The following ZBTB38 variants were observed in gnomAD, a reference collection of about 807,000 sequenced individuals.
ZBTB38 encodes the protein zinc finger and BTB domain containing 38.
A neutral mutation model predicts 76.8 loss-of-function variants in ZBTB38; 20 were observed. That is an observed-to-expected ratio of 0.26 (90% CI 0.18 to 0.38). The LOEUF (loss-of-function observed/expected upper bound fraction) is 0.38. ZBTB38 is among the 10% of genes least tolerant of loss of function. ZBTB38 has a pLI of 1.00. For missense variants in ZBTB38, 1,082 were observed against 1,482.3 expected (o/e 0.73, Z 4.43); for synonymous variants, 504 against 544.2 (o/e 0.93, Z 1.03).
In ZBTB38 at chr3:141,443,406, C is replaced by G; in HGVS notation, c.1018C>G (p.Leu340Val). Residue 340 changes from leucine to valine, a missense_variant, in exon 6 of 6, where the codon CTG (leucine) becomes GTG (valine). Leu to Val is a conservative substitution (Grantham distance 32). Transcript: ENST00000321464. The surrounding 1 kb of genome is among the most constrained non-coding windows in gnomAD (Gnocchi z 5.6). ...PGPPAAEVPP[L>V]VYNCSCCSKA... ...GCCGCCAGCCGCAGAGGTTCCACCT[C>G]TGGTGTACAATTGTAGCTGCTGTTC... 1 of 1,614,230 alleles carries G rather than the reference C, an allele frequency of 6.2e-7. No individual in the cohort carries two copies. Among genetic ancestry groups the G allele is most frequent in the Non-Finnish European group, 8.5e-7 (1 of 1,180,040 alleles).
In ZBTB38 at chr3:141,391,915, T is replaced by C. The variant is rs1576946654; in HGVS notation, c.-106+4978T>C. On this transcript the variant is annotated intron_variant, in intron 4 of 5. Coordinates refer to ENST00000321464, the MANE Select transcript of ZBTB38 (RefSeq NM_001376113.1). ...GCCTGTTGGTGGCTTTCTAAAGAAC[T>C]AGTGAGGTTTTTTTTCCTCTATTAG... is the stretch of plus-strand genomic sequence containing the variant. Among the ~76,000 whole-genome samples the C allele has an allele frequency of 2.6e-5, 4 of 152,278 alleles. No individual in the cohort carries two copies. In the Middle Eastern group the frequency reaches 0.014, roughly 518 times the overall value.
intron 3 of ZBTB38, among the ~76,000 whole-genome samples, chr3:141,384,490 C>T (rs1382720338): frequency 2.6e-5 from 4 of 152,212 alleles, no homozygotes; most frequent in Non-Finnish European, 4.4e-5. Flanking sequence ...AGCTTTCAAA[C>T]GTCATTGATG....
intron 2 of ZBTB38, among the ~76,000 whole-genome samples, chr3:141,372,336 A>G (rs922515102): frequency 9.2e-5 from 14 of 152,154 alleles, no homozygotes; most frequent in African/African-American, 3.1e-4. Flanking sequence ...TGGCTGGGCT[A>G]GTGGTATAAG....
rs1475497364 is a variant in ZBTB38, at chr3:141,413,002, G to A, written c.-1+8971G>A. Among the ~76,000 whole-genome samples the A allele has an allele frequency of 2.0e-5, 3 of 152,126 alleles. No homozygotes were observed. The highest frequency in any genetic ancestry group is 3.2e-3 in the Middle Eastern group (1 of 314). ...ACTTTCACAATCCTGTGCTGCCTTC[G>A]AGCTCTGTGCTGCCAGGCCTGGCCT... On this transcript the variant is annotated intron_variant, in intron 5 of 5. Transcript: ENST00000321464. This position sits in a 1 kb window ranked among gnomAD's most constrained non-coding sequence, Gnocchi z 4.1.
At chr3:141,381,632 G>T (rs537039388) in intron 3 of ZBTB38, 145 bp downstream of exon 3, 1 of 152,230 alleles carries the variant, frequency 6.6e-6, no homozygotes, top group African/African-American at 2.4e-5. Flanking sequence ...ACCTATGAGC[G>T]TTGAGCAAGA....
chr3:141,334,799 C>G (rs545708823), intron 1 of ZBTB38, among the ~76,000 whole-genome samples: 1 of 152,292 alleles, frequency 6.6e-6, no homozygotes, highest in East Asian at 1.9e-4. Context: ...CCCAGTTCCT[C>G]TACCTGAGAA....
intron 1 of ZBTB38, among the ~76,000 whole-genome samples, chr3:141,331,441 C>G (rs1177267245): frequency 6.6e-6 from 1 of 152,248 alleles, no homozygotes; most frequent in African/African-American, 2.4e-5. Context: ...ATGTCTTACA[C>G]TGTCGTCCCC....
At chr3:141,435,179 G>A (rs1029235452) in intron 5 of ZBTB38, among the ~76,000 whole-genome samples, 2 of 152,022 alleles carry the variant, frequency 1.3e-5, no homozygotes, top group Non-Finnish European at 2.9e-5. Context: ...GATAATAAAA[G>A]TAAAATAATT....
intron 1 of ZBTB38, among the ~76,000 whole-genome samples, chr3:141,331,067 A>G (rs141714359): frequency 6.6e-6 from 1 of 152,398 alleles, no homozygotes; most frequent in East Asian, 1.9e-4. Context: ...AGATATATGT[A>G]GAGTTCCTCT....
chr3:141,350,332 G>C (rs938722279), intron 1 of ZBTB38, among the ~76,000 whole-genome samples: 6 of 152,100 alleles, frequency 3.9e-5, no homozygotes, highest in African/African-American at 1.4e-4. Flanking sequence ...AAATATTGTA[G>C]GTTTAGTAAC....
chr3:141,397,614 C>A (rs569877770), intron 4 of ZBTB38, among the ~76,000 whole-genome samples: 2 of 152,272 alleles, frequency 1.3e-5, no homozygotes, highest in African/African-American at 4.8e-5. Context: ...ATGCTCAATT[C>A]TTCCTTTCAC....
At position 141,369,963 on chromosome 3, in the gene ZBTB38, C is replaced by T. The variant is rs1199005495; in HGVS notation, c.-235+17C>T. 6.6e-6 allele frequency: 1 copy of T among 152,076 alleles called. No individual in the cohort carries two copies. The highest frequency in any genetic ancestry group is 1.5e-5 in the Non-Finnish European group (1 of 68,012). 9.4% of individuals were successfully genotyped at this position (152,076 alleles called of 1,614,324 possible). ...ACTAATTTGGTAAGTGTCATTTGTC[C>T]CCAACAGCTACTTAAATTTAAGTCT... On this transcript the variant is annotated intron_variant, in intron 2 of 5. Transcript: ENST00000321464.
chr3:141,385,496 G>A (rs1946848073), intron 3 of ZBTB38, among the ~76,000 whole-genome samples: 1 of 152,052 alleles, frequency 6.6e-6, no homozygotes, highest in South Asian at 2.1e-4. Context: ...TTGCTAGCAA[G>A]CTATGCTGTT....
At chr3:141,351,509 G>T (rs1417577488) in intron 1 of ZBTB38, among the ~76,000 whole-genome samples, 2 of 151,940 alleles carry the variant, frequency 1.3e-5, no homozygotes, top group African/African-American at 2.4e-5. Flanking sequence ...AAGATTGCTT[G>T]AGGCCAGGGG....
intron 1 of ZBTB38, among the ~76,000 whole-genome samples, chr3:141,346,632 G>T (rs150108858): frequency 6.6e-6 from 1 of 152,076 alleles, no homozygotes; most frequent in Non-Finnish European, 1.5e-5. Flanking sequence ...ACAGTGAGAC[G>T]CTCAGACGAG....
intron 1 of ZBTB38, among the ~76,000 whole-genome samples, chr3:141,362,881 C>T (rs1309842245): frequency 6.6e-6 from 1 of 152,090 alleles, no homozygotes; most frequent in Non-Finnish European, 1.5e-5. Flanking sequence ...TCTTGGGCTG[C>T]AACCCTGCCC....
intron 3 of ZBTB38, chr3:141,383,857 A>G (rs1559929006): frequency 6.6e-6 from 1 of 152,156 alleles, no homozygotes. Context: ...TGGAAAAGGG[A>G]TTTGCCTTTT....
chr3:141,445,238 T>G lies in ZBTB38; in HGVS notation c.2850T>G (p.His950Gln), dbSNP rs1178058299. The G allele has an allele frequency of 6.2e-7, 1 of 1,613,764 alleles. No individual in the cohort carries two copies. The highest frequency in any genetic ancestry group is 1.3e-5 in the African/African-American group (1 of 74,802). The change falls in exon 6 of 6, where the codon CAT becomes CAG. Residue 950 changes from histidine to glutamine, a missense_variant. Coordinates refer to ENST00000321464, the MANE Select transcript of ZBTB38 (RefSeq NM_001376113.1). The surrounding 1 kb of genome is among the most constrained non-coding windows in gnomAD (Gnocchi z 6.5). ...AGCACGGAAACAGGAGCCCGAGCCATAAATGTAAATACCCAGCAGAACTGG... is the reference window on the plus strand; with the variant it reads ...AGCACGGAAACAGGAGCCCGAGCCAGAAATGTAAATACCCAGCAGAACTGG... ...RKEHGNRSPS[H>Q]KCKYPAELDC...
In ZBTB38 at chr3:141,443,336, C is replaced by A. The variant is rs1347102582; in HGVS notation, c.948C>A (p.Val316=). 1 of 1,614,086 alleles carries A rather than the reference C, an allele frequency of 6.2e-7. No individual in the cohort carries two copies. Among genetic ancestry groups the A allele is most frequent in the Non-Finnish European group, 8.5e-7 (1 of 1,180,040 alleles). ...RSKSPNNEGD[V]HFSREDENQS... ...AATCTCCAAACAATGAAGGAGATGT[C>A]CATTTTTCCAGGGAAGATGAAAATC... The change falls in exon 6 of 6, where the codon GTC becomes GTA. Residue 316 remains valine, a synonymous_variant. Coordinates refer to ENST00000321464, the MANE Select transcript of ZBTB38 (RefSeq NM_001376113.1). This position sits in a 1 kb window ranked among gnomAD's most constrained non-coding sequence, Gnocchi z 5.6.
Sources: gnomAD v4.1 joint callset for allele counts (sites outside exome capture counted in the v4.1 genomes callset) on GRCh38, gnomAD v4.1.1 for gene constraint, Gnocchi (gnomAD v3.1) non-coding constraint, MANE v1.5 for transcripts, NCBI Gene and HGNC (gene_info 2026-07-23, HGNC 2026-07-21) for gene names.